KCNQ1: variants seen among roughly 807,000 people sequenced by gnomAD.
KCNQ1 encodes the protein potassium voltage-gated channel subfamily Q member 1, also known as potassium voltage-gated channel subfamily KQT member 1.
Under a neutral mutation model 72.4 loss-of-function variants are expected in KCNQ1, and 49 were observed. The ratio of observed to expected loss-of-function variants is 0.68; its 90% CI spans 0.54 to 0.86. The LOEUF (loss-of-function observed/expected upper bound fraction) is 0.86. KCNQ1 is among the 40% of genes least tolerant of loss of function. KCNQ1 has a pLI of 0.00. For missense variants in KCNQ1, 790 were observed against 945.1 expected (o/e 0.84, Z 2.15); for synonymous variants, 450 against 412.6 (o/e 1.09, Z -1.10).
chr11:2,468,914 T>G lies in KCNQ1; in HGVS notation c.386+23430T>G, dbSNP rs1846396967. 6.6e-6 allele frequency among the ~76,000 whole-genome samples: 1 copy of G among 152,216 alleles called. No homozygotes were observed. The highest frequency in any genetic ancestry group is 1.5e-5 in the Non-Finnish European group (1 of 68,024). On this transcript the variant is annotated intron_variant, in intron 1 of 15. Transcript: ENST00000155840. This position sits in a 1 kb window ranked among gnomAD's most constrained non-coding sequence, Gnocchi z 5.7. Reference sequence around the variant, plus strand: ...CTCTTGTGCAAGCAAGTGGTTGAACTGCTCTGCAGCCCGCTGGGAAGTGGA... The same window carrying G: ...CTCTTGTGCAAGCAAGTGGTTGAACGGCTCTGCAGCCCGCTGGGAAGTGGA...
intron 11 of KCNQ1, among the ~76,000 whole-genome samples, chr11:2,706,847 C>A (rs1850919464): frequency 6.6e-6 from 1 of 152,196 alleles, no homozygotes; most frequent in Non-Finnish European, 1.5e-5. Context: ...GGTCCCACTC[C>A]CAGAAAGGAG....
rs1459405452 is a variant in KCNQ1, at chr11:2,524,239, T to TC, written c.387-3688dup. On this transcript the variant is annotated intron_variant, in intron 1 of 15. Coordinates refer to ENST00000155840, the MANE Select transcript of KCNQ1 (RefSeq NM_000218.3). The stretch of plus-strand genomic sequence containing the variant: ...ACCCTCACCGCAGCCCTATCCCTGC[T>TC]CACGTGCACCAAGACCAGAGCCTGG... Among the ~76,000 whole-genome samples the TC allele has an allele frequency of 2.6e-5, 4 of 152,228 alleles. No homozygotes were observed. The East Asian group carries it at 7.8e-4, about 30-fold the overall frequency.
rs184089021 is a variant in KCNQ1 at position 2,459,029 on chromosome 11, T to C, written c.386+13545T>C. Among the ~76,000 whole-genome samples the C allele has an allele frequency of 1.5e-3, 225 of 152,286 alleles. 6 individuals are homozygous for C. In the East Asian group the frequency reaches 0.029, roughly 20 times the overall value. Reference sequence around the variant, plus strand: ...GTGCATTTCTGATTCCCGTGCCCAGTTGGGAGGCTTTGGGGTTGTTGGGAT... The same window carrying C: ...GTGCATTTCTGATTCCCGTGCCCAGCTGGGAGGCTTTGGGGTTGTTGGGAT... On this transcript the variant is annotated intron_variant, in intron 1 of 15. Transcript: ENST00000155840.
rs995807966 is a variant in KCNQ1 at position 2,659,722 on chromosome 11, T to C, written c.1394-2239T>C. ...ATTTTGCATTCCCACCAGTAACATA[T>C]GAGAGTTCTACATGTTCCACATCCT... is the stretch of plus-strand genomic sequence containing the variant. On this transcript the variant is annotated intron_variant, in intron 10 of 15. Transcript: ENST00000155840. The surrounding 1 kb of genome is among the most constrained non-coding windows in gnomAD (Gnocchi z 4.3). 1 of 398,564 alleles carries C rather than the reference T, an allele frequency of 2.5e-6. No individual in the cohort carries two copies. Among genetic ancestry groups the C allele is most frequent in the Admixed American group, 4.4e-5 (1 of 22,746 alleles). 24.7% of individuals were successfully genotyped at this position (398,564 alleles called of 1,614,324 possible). A position where few individuals can be genotyped will look rare whatever the true frequency, so the allele number is the denominator to read the frequency against.
rs1846497660 is a variant in KCNQ1 at position 2,766,351 on chromosome 11, C to T, written c.1515-2493C>T. Among the ~76,000 whole-genome samples the T allele has an allele frequency of 6.6e-6, 1 of 152,220 alleles. No homozygotes were observed. Among genetic ancestry groups the T allele is most frequent in the Non-Finnish European group, 1.5e-5 (1 of 68,042 alleles). On this transcript the variant is annotated intron_variant, in intron 11 of 15. Transcript: ENST00000155840. This position sits in a 1 kb window ranked among gnomAD's most constrained non-coding sequence, Gnocchi z 4.4. ...TGATGTGGTGGTGGCTGAGTGGTCT[C>T]TGTTGTCCTCACGTGTCTGGAGCCA...
At chr11:2,569,070 G>A (rs1848287827) in intron 2 of KCNQ1, among the ~76,000 whole-genome samples, 1 of 152,128 alleles carries the variant, frequency 6.6e-6, no homozygotes, top group South Asian at 2.1e-4. Flanking sequence ...ATTTTTAGTG[G>A]AGACAGGGTT....
chr11:2,716,523 C>T (rs1415429859), intron 11 of KCNQ1, among the ~76,000 whole-genome samples: 6 of 152,342 alleles, frequency 3.9e-5, no homozygotes, highest in East Asian at 3.9e-4. Flanking sequence ...GCTTCCCAGG[C>T]GTGTGCTTCC....
Position 2,682,813 on chromosome 11 carries a change from TC to T in KCNQ1, c.1514+20734del. On this transcript the variant is annotated intron_variant, in intron 11 of 15. Coordinates refer to ENST00000155840, the MANE Select transcript of KCNQ1 (RefSeq NM_000218.3). This position sits in a 1 kb window ranked among gnomAD's most constrained non-coding sequence, Gnocchi z 5.8. ...CATGAAATGCAGTGACTTGCAGTGA[TC>T]CTCCTGGGGCCTTGTATAGAAGAGA... is the stretch of plus-strand genomic sequence containing the variant. 1 of 398,600 alleles carries T rather than the reference TC, an allele frequency of 2.5e-6. No homozygotes were observed. Among genetic ancestry groups the T allele is most frequent in the Non-Finnish European group, 4.4e-6 (1 of 226,074 alleles). 24.7% of individuals were successfully genotyped at this position (398,600 alleles called of 1,614,324 possible).
intron 11 of KCNQ1, among the ~76,000 whole-genome samples, chr11:2,730,745 G>A (rs986368141): frequency 2.0e-5 from 3 of 152,234 alleles, no homozygotes; most frequent in Admixed American, 2.0e-4. Context: ...GGTGGTCCAA[G>A]AGGGGCTGCC....
At chr11:2,584,537 GTA>G (rs879526020) in intron 7 of KCNQ1, among the ~76,000 whole-genome samples, 12,025 of 142,580 alleles carry the variant, frequency 0.084, 590 homozygotes, top group East Asian at 0.17. Flanking sequence ...GTGTGTGTTA[GTA>G]TGTGTTTGTG....
rs189653929 is a variant in KCNQ1, at chr11:2,462,266, T to C, written c.386+16782T>C. Among the ~76,000 whole-genome samples the C allele has an allele frequency of 1.3e-5, 2 of 152,288 alleles. No individual in the cohort carries two copies. The highest frequency in any genetic ancestry group is 6.5e-5 in the Admixed American group (1 of 15,308). On this transcript the variant is annotated intron_variant, in intron 1 of 15. Coordinates refer to ENST00000155840, the MANE Select transcript of KCNQ1 (RefSeq NM_000218.3). The surrounding 1 kb of genome is among the most constrained non-coding windows in gnomAD (Gnocchi z 8.2). ...CAGGCCTGCAAGGTAGACAGGCCTCTGGACTTGAGTGTGGCTGTGGACGAG... is the reference window on the plus strand; with the variant it reads ...CAGGCCTGCAAGGTAGACAGGCCTCCGGACTTGAGTGTGGCTGTGGACGAG...
At chr11:2,833,170 G>A (rs113715362) in intron 15 of KCNQ1, among the ~76,000 whole-genome samples, 14 of 152,270 alleles carry the variant, frequency 9.2e-5, no homozygotes, top group Middle Eastern at 3.4e-3. Flanking sequence ...CTCTGGAGTC[G>A]AGGCAATTAG....
Position 2,768,833 on chromosome 11 carries a change from C to G in KCNQ1, c.1515-11C>G. On this transcript the variant is annotated splice_polypyrimidine_tract_variant and intron_variant, in intron 11 of 15. Transcript: ENST00000155840. The surrounding 1 kb of genome is among the most constrained non-coding windows in gnomAD (Gnocchi z 6.7). The stretch of plus-strand genomic sequence containing the variant: ...GGCCACTCACAATCTCCTCTCCTCT[C>G]TCCACTGCAGGCTGCGGGAACACCA... 6.2e-7 allele frequency: 1 copy of G among 1,612,870 alleles called. No homozygotes were observed. The highest frequency in any genetic ancestry group is 8.5e-7 in the Non-Finnish European group (1 of 1,178,866).
intron 15 of KCNQ1, among the ~76,000 whole-genome samples, chr11:2,807,144 T>C (rs2134033976): frequency 6.6e-6 from 1 of 152,362 alleles, no homozygotes; most frequent in East Asian, 1.9e-4. Context: ...CGTTTGGAAG[T>C]CTGCTAATTA....
rs770273352 is a variant in KCNQ1 at position 2,601,946 on chromosome 11, A to C, written c.1393+13092A>C. On this transcript the variant is annotated intron_variant, in intron 10 of 15. Coordinates refer to ENST00000155840, the MANE Select transcript of KCNQ1 (RefSeq NM_000218.3). The surrounding 1 kb of genome is among the most constrained non-coding windows in gnomAD (Gnocchi z 5.2). Reference sequence around the variant, plus strand: ...ACTATCGCCTTCTATGGCAAAGGGCACTCTGCAGATGTGTCAAATTAAGGA... The same window carrying C: ...ACTATCGCCTTCTATGGCAAAGGGCCCTCTGCAGATGTGTCAAATTAAGGA... 2.8e-4 allele frequency among the ~76,000 whole-genome samples: 42 copies of C among 152,138 alleles called. No individual in the cohort carries two copies. The highest frequency in any genetic ancestry group is 5.1e-4 in the Non-Finnish European group (35 of 68,022).
rs537056525 is a variant in KCNQ1, at chr11:2,695,694, G to A, written c.1514+33613G>A. ...GAAGTGTTGGCCAGCTCTTCAGAAC[G>A]TCTGTGCCTGTCTCCGTCCCCACCT... On this transcript the variant is annotated intron_variant, in intron 11 of 15. Transcript: ENST00000155840. This position sits in a 1 kb window ranked among gnomAD's most constrained non-coding sequence, Gnocchi z 5.2. 2.1e-4 allele frequency: 84 copies of A among 398,652 alleles called. 2 individuals are homozygous for A. The South Asian group carries it at 2.5e-3, about 12-fold the overall frequency. 24.7% of individuals were successfully genotyped at this position (398,652 alleles called of 1,614,324 possible). A position where few individuals can be genotyped will look rare whatever the true frequency, so the allele number is the denominator to read the frequency against.
At chr11:2,840,308 G>GA (rs1848181152) in intron 15 of KCNQ1, 1 of 152,824 alleles carries the variant, frequency 6.5e-6, no homozygotes, top group African/African-American at 2.4e-5. Context: ...AGAGGAGGAA[G>GA]AAAATCCACG....
In KCNQ1 at chr11:2,722,495, A is replaced by C. The variant is rs1318485531; in HGVS notation, c.1515-46349A>C. Among the ~76,000 whole-genome samples the C allele has an allele frequency of 4.6e-5, 7 of 151,908 alleles. 1 individual carries two copies. Among genetic ancestry groups the C allele is most frequent in the African/African-American group, 1.7e-4 (7 of 41,434 alleles). Reference sequence around the variant, plus strand: ...AGATCGGGAAGGTGGAGGCTTGGTCACCCCCAGGAGGAGCTTTTTCTAAGG... The same window carrying C: ...AGATCGGGAAGGTGGAGGCTTGGTCCCCCCCAGGAGGAGCTTTTTCTAAGG... On this transcript the variant is annotated intron_variant, in intron 11 of 15. Coordinates refer to ENST00000155840, the MANE Select transcript of KCNQ1 (RefSeq NM_000218.3).
At chr11:2,836,134 G>A (rs866871795) in intron 15 of KCNQ1, among the ~76,000 whole-genome samples, 2 of 152,320 alleles carry the variant, frequency 1.3e-5, no homozygotes, top group South Asian at 2.1e-4. Flanking sequence ...AGGCAGATGG[G>A]TGGAAGAGTT....
Sources: gnomAD v4.1 joint callset for allele counts (sites outside exome capture counted in the v4.1 genomes callset) on GRCh38, gnomAD v4.1.1 for gene constraint, Gnocchi (gnomAD v3.1) non-coding constraint, MANE v1.5 for transcripts, NCBI Gene and HGNC (gene_info 2026-07-23, HGNC 2026-07-21) for gene names.